MTF2: variants seen among roughly 807,000 people sequenced by gnomAD.
The protein encoded by MTF2 is metal-response element-binding transcription factor 2.
MTF2 carries 11 observed loss-of-function variants against 79.5 expected under a neutral mutation model. The ratio of observed to expected loss-of-function variants is 0.14; its 90% CI spans 0.09 to 0.23. The LOEUF (loss-of-function observed/expected upper bound fraction) is 0.23, where lower values mean the gene tolerates loss of function less well. MTF2 is among the 10% of genes least tolerant of loss of function. MTF2 has a pLI of 1.00. For synonymous variants in MTF2, 208 were observed against 232.8 expected, an observed-to-expected ratio of 0.89 and a Z score of 0.97; for missense variants, 486 against 711.2, an observed-to-expected ratio of 0.68 and a Z score of 3.60.
chr1:93,129,511 A>G, intron 11 of MTF2, 63 bp downstream of exon 11: 2 of 1,213,080 alleles, frequency 1.6e-6, no homozygotes, highest in Non-Finnish European at 2.2e-6. Flanking sequence ...AATGTATGTT[A>G]TTTAGTCTCC....
chr1:93,081,654 CTTATATG>C (rs978650561), intron 1 of MTF2, among the ~76,000 whole-genome samples: 1 of 151,984 alleles, frequency 6.6e-6, no homozygotes, highest in African/African-American at 2.4e-5. Flanking sequence ...GTGGATATTT[CTTATATG>C]TTAGAGTAGT....
At chr1:93,094,886 A>G (rs1465226078) in intron 1 of MTF2, among the ~76,000 whole-genome samples, 2 of 152,058 alleles carry the variant, frequency 1.3e-5, no homozygotes, top group African/African-American at 2.4e-5. Context: ...GTTTACCTCT[A>G]TTTTCAGCTG....
intron 3 of MTF2, among the ~76,000 whole-genome samples, chr1:93,112,245 T>C (rs1307103657): frequency 6.6e-6 from 1 of 152,210 alleles, no homozygotes; most frequent in East Asian, 1.9e-4. Context: ...TAAAAATGAA[T>C]AAATGAATCT....
At position 93,136,762 on chromosome 1, in the gene MTF2, G is replaced by C; in HGVS notation, c.1517G>C (p.Arg506Thr). Residue 506 changes from arginine to threonine, a missense_variant, in exon 15 of 15, where the codon AGA (arginine) becomes ACA (threonine). By Grantham distance (71) the Arg-to-Thr change is moderately conservative (BLOSUM62 -1). Transcript: ENST00000370298. Reference sequence around the variant, plus strand: ...AGAAGAAGAGGTCGTCTTCCAAGAAGAGCACTCCAGACTCAGAACTCAGAA... The same window carrying C: ...AGAAGAAGAGGTCGTCTTCCAAGAACAGCACTCCAGACTCAGAACTCAGAA... ...LRRRRGRLPR[R>T]ALQTQNSEIV... is the part of the protein sequence containing the mutation. The C allele has an allele frequency of 6.2e-7, 1 of 1,614,164 alleles. No homozygotes were observed. The highest frequency in any genetic ancestry group is 2.2e-5 in the East Asian group (1 of 44,890).
chr1:93,101,568 G>GGTTTTTTTTTTT (rs1655535897), intron 1 of MTF2, among the ~76,000 whole-genome samples: 2 of 25,398 alleles, frequency 7.9e-5, no homozygotes, highest in Non-Finnish European at 1.3e-4. Context: ...GCTCAGGCTG[G>GGTTTTTTTTTTT]TTTTTTTTTT....
chr1:93,083,187 G>T (rs920030906), intron 1 of MTF2, among the ~76,000 whole-genome samples: 2 of 152,160 alleles, frequency 1.3e-5, no homozygotes, highest in Admixed American at 1.3e-4. Flanking sequence ...AGATGGGGGC[G>T]GCTCCACATG....
chr1:93,113,502 G>A (rs1656120307), intron 3 of MTF2, among the ~76,000 whole-genome samples: 1 of 152,110 alleles, frequency 6.6e-6, no homozygotes, highest in South Asian at 2.1e-4. Flanking sequence ...AAAACAGTTG[G>A]TAACCTGTAT....
intron 14 of MTF2, 126 bp from the exon 15 acceptor site, chr1:93,136,544 T>C (rs1301830179): frequency 2.6e-6 from 2 of 781,828 alleles, no homozygotes; most frequent in East Asian, 5.0e-5. Context: ...TTGTTTGGGT[T>C]TGGCTCATTT....
At chr1:93,112,980 G>C (rs767743006) in intron 3 of MTF2, among the ~76,000 whole-genome samples, 8 of 152,146 alleles carry the variant, frequency 5.3e-5, no homozygotes, top group Non-Finnish European at 1.2e-4. Context: ...TCCATTTCCA[G>C]GGAATTGTAA....
At chr1:93,119,304 A>G in intron 7 of MTF2, 29 bp from the exon 8 acceptor site, 1 of 1,445,590 alleles carries the variant, frequency 6.9e-7, no homozygotes, top group Non-Finnish European at 9.5e-7. Flanking sequence ...ACTCAGTATA[A>G]AACTTTTTCT....
At chr1:93,102,618 G>A (rs984645192) in intron 1 of MTF2, among the ~76,000 whole-genome samples, 12 of 151,862 alleles carry the variant, frequency 7.9e-5, no homozygotes, top group Non-Finnish European at 1.3e-4. Context: ...ACAAACCTAT[G>A]AGAAACATGC....
At chr1:93,088,470 TA>T (rs1234839310) in intron 1 of MTF2, among the ~76,000 whole-genome samples, 2 of 152,220 alleles carry the variant, frequency 1.3e-5, no homozygotes, top group African/African-American at 2.4e-5. Flanking sequence ...TATTGGCTTT[TA>T]AAAAAATCAG....
chr1:93,103,554 A>G (rs1655636123), intron 1 of MTF2, among the ~76,000 whole-genome samples: 1 of 152,074 alleles, frequency 6.6e-6, no homozygotes, highest in Admixed American at 6.5e-5. Context: ...AATATGTAGT[A>G]CAAATAAGAA....
chr1:93,120,545 C>T lies in MTF2; in HGVS notation c.798-4C>T. ...TTGTGTATTTGATTATTTTCGGATT[C>T]CAGGGTAGATATAGCACACCTATGC... is the stretch of plus-strand genomic sequence containing the variant. On this transcript the variant is annotated splice_polypyrimidine_tract_variant and splice_region_variant and intron_variant, in intron 8 of 14. Coordinates refer to ENST00000370298, the MANE Select transcript of MTF2 (RefSeq NM_007358.4). 6.4e-7 allele frequency: 1 copy of T among 1,569,074 alleles called. No homozygotes were observed. The highest frequency in any genetic ancestry group is 1.2e-5 in the South Asian group (1 of 83,344).
intron 11 of MTF2, among the ~76,000 whole-genome samples, chr1:93,130,280 T>C (rs929825272): frequency 1.3e-5 from 2 of 152,266 alleles, no homozygotes; most frequent in Non-Finnish European, 1.5e-5. Flanking sequence ...GATTTAATTA[T>C]CTTTTAGAAA....
At chr1:93,126,483 T>G (rs1656703017) in intron 9 of MTF2, among the ~76,000 whole-genome samples, 1 of 1,490 alleles carries the variant, frequency 6.7e-4, no homozygotes, top group Admixed American at 8.6e-3. Context: ...GGAAGCAGCT[T>G]TTTTTTTTTT....
At chr1:93,082,356 C>G (rs1248174978) in intron 1 of MTF2, among the ~76,000 whole-genome samples, 3 of 151,068 alleles carry the variant, frequency 2.0e-5, no homozygotes, top group Non-Finnish European at 4.4e-5. Flanking sequence ...TCATAACTTG[C>G]TGCTGCCTCA....
At chr1:93,109,404 G>A (rs1046357677) in intron 1 of MTF2, among the ~76,000 whole-genome samples, 4 of 151,952 alleles carry the variant, frequency 2.6e-5, no homozygotes, top group Non-Finnish European at 5.9e-5. Context: ...CATGATCTCA[G>A]CTCACTGCAA....
intron 3 of MTF2, among the ~76,000 whole-genome samples, chr1:93,112,613 A>G (rs915995697): frequency 2.0e-5 from 3 of 152,216 alleles, no homozygotes; most frequent in Admixed American, 1.3e-4. Flanking sequence ...CTAGCAGTTT[A>G]TTCATAAGAA....
Sources: gnomAD v4.1 joint callset for allele counts (sites outside exome capture counted in the v4.1 genomes callset) on GRCh38, gnomAD v4.1.1 for gene constraint, MANE v1.5 for transcripts, NCBI Gene and HGNC (gene_info 2026-07-23, HGNC 2026-07-21) for gene names.